PPP6R2: variants seen among roughly 807,000 people sequenced by gnomAD.
The protein encoded by PPP6R2 is serine/threonine-protein phosphatase 6 regulatory subunit 2.
In PPP6R2, 62 loss-of-function variants were observed where a neutral mutation model predicts 100.2. The observed-to-expected ratio is 0.62, with a 90% CI of 0.50 to 0.76. The LOEUF is 0.76. PPP6R2 is among the 30% of genes least tolerant of loss of function. The probability of loss-of-function intolerance (pLI) is 0.00; values close to 1 mark genes in which losing one functional copy is unlikely to be tolerated. For synonymous variants in PPP6R2, 525 were observed against 514.7 expected (o/e 1.02, Z -0.27); for missense variants, 1,142 against 1,276.3 (o/e 0.89, Z 1.60).
In PPP6R2 at chr22:50,343,399, G is replaced by T. The variant is rs1278802911; in HGVS notation, c.-299G>T. The T allele has an allele frequency of 6.6e-6, 1 of 151,088 alleles. No homozygotes were observed. The highest frequency in any genetic ancestry group is 2.4e-5 in the African/African-American group (1 of 41,254). The allele number at this position is 151,088 out of a possible 1,614,324, so 9.4% of individuals were successfully genotyped here. A position where few individuals can be genotyped will look rare whatever the true frequency, so the allele number is the denominator to read the frequency against. The stretch of plus-strand genomic sequence containing the variant: ...TCTCGAGCCGCCGGCCGGCCGTGCC[G>T]GTGTCCGTAGGCGCTGCGCCCTCGG... On this transcript the variant is annotated 5_prime_UTR_variant, in exon 1 of 24. Coordinates refer to ENST00000612753, the MANE Select transcript of PPP6R2 (RefSeq NM_001242898.2).
chr22:50,410,033 T>G (rs2059522811), intron 4 of PPP6R2, among the ~76,000 whole-genome samples: 1 of 152,200 alleles, frequency 6.6e-6, no homozygotes, highest in African/African-American at 2.4e-5. Flanking sequence ...CGGCCTATTT[T>G]GTTTTTTGTT....
rs2063347331 is a variant in PPP6R2 at position 50,432,513 on chromosome 22, C to T, written c.1400+184C>T. Reference sequence around the variant, plus strand: ...GGCCCTTCTACTGGGCGGACAGCTGCAAATGCTACTTGGGGAGGGGACACA... The same window carrying T: ...GGCCCTTCTACTGGGCGGACAGCTGTAAATGCTACTTGGGGAGGGGACACA... On this transcript the variant is annotated intron_variant, in intron 12 of 23. Coordinates refer to ENST00000612753, the MANE Select transcript of PPP6R2 (RefSeq NM_001242898.2). 2.6e-5 allele frequency among the ~76,000 whole-genome samples: 4 copies of T among 152,114 alleles called. 1 individual carries two copies. The South Asian group carries it at 8.3e-4, about 32-fold the overall frequency.
At chr22:50,352,999 A>T (rs1422609099) in intron 1 of PPP6R2, among the ~76,000 whole-genome samples, 1 of 152,160 alleles carries the variant, frequency 6.6e-6, no homozygotes, top group Non-Finnish European at 1.5e-5. Context: ...GGGACGTCAG[A>T]GCTGCAGTGA....
At chr22:50,432,199 A>T in intron 11 of PPP6R2, 66 bp from the exon 12 acceptor site, 1 of 1,411,132 alleles carries the variant, frequency 7.1e-7, no homozygotes, top group South Asian at 1.2e-5. Flanking sequence ...CAGTCCAGGG[A>T]TGGGTGGAGG....
chr22:50,419,129 G>A lies in PPP6R2; in HGVS notation c.731+150G>A. 4 of 777,732 alleles carry A rather than the reference G, an allele frequency of 5.1e-6. No homozygotes were observed. The South Asian group carries it at 6.9e-5, about 13-fold the overall frequency. The allele number at this position is 777,732 out of a possible 1,614,324, so 48.2% of individuals were successfully genotyped here. The stretch of plus-strand genomic sequence containing the variant: ...AGGTTCAGAGCCCATGTTAACTTGG[G>A]GCCTGTTTCCAGAGGGAGGGGTCTC... On this transcript the variant is annotated intron_variant, in intron 7 of 23. Coordinates refer to ENST00000612753, the MANE Select transcript of PPP6R2 (RefSeq NM_001242898.2).
At chr22:50,363,312 G>C (rs148072521) in intron 1 of PPP6R2, among the ~76,000 whole-genome samples, 398 of 152,316 alleles carry the variant, frequency 2.6e-3, no homozygotes, top group African/African-American at 9.0e-3. Flanking sequence ...GTTGCAATCT[G>C]TGCTTTAGGA....
intron 1 of PPP6R2, among the ~76,000 whole-genome samples, chr22:50,358,931 G>A (rs1226343047): frequency 2.0e-5 from 3 of 146,960 alleles, no homozygotes; most frequent in Non-Finnish European, 4.5e-5. Flanking sequence ...TTAACACCGC[G>A]ATGTCTTGAT....
intron 14 of PPP6R2, 66 bp downstream of exon 14, chr22:50,436,518 C>A: frequency 6.7e-7 from 1 of 1,495,514 alleles, no homozygotes; most frequent in Non-Finnish European, 9.1e-7. Flanking sequence ...GACGCTCCTG[C>A]CTTTGCCCTG....
intron 1 of PPP6R2, among the ~76,000 whole-genome samples, chr22:50,349,183 G>A (rs1290712952): frequency 7.4e-6 from 1 of 134,616 alleles, no homozygotes; most frequent in Non-Finnish European, 1.6e-5. Context: ...CGACAAGAGT[G>A]AGACTTCCTC....
At chr22:50,337,238 G>GGT in the PPP6R2 span, among the ~76,000 whole-genome samples, 730 of 134,290 alleles carry the variant, frequency 5.4e-3, 1 homozygote, top group Non-Finnish European at 8.4e-3. Context: ...GTGGTGTATT[G>GGT]GTGTGTGTGT....
chr22:50,405,342 T>G (rs1190252155), intron 3 of PPP6R2, among the ~76,000 whole-genome samples: 5 of 51,534 alleles, frequency 9.7e-5, no homozygotes, highest in East Asian at 2.5e-3. Context: ...GGCAGGCGAG[T>G]GTGAAGGCCT....
chr22:50,409,872 G>A (rs915905190), intron 4 of PPP6R2, among the ~76,000 whole-genome samples: 3 of 151,872 alleles, frequency 2.0e-5, no homozygotes, highest in Admixed American at 6.6e-5. Context: ...GATTACAGGC[G>A]CCTGCCACCA....
intron 22 of PPP6R2, chr22:50,443,492 C>T: frequency 4.9e-6 from 1 of 203,882 alleles, no homozygotes; most frequent in Non-Finnish European, 9.9e-6. Flanking sequence ...GCAGGGTCCT[C>T]TCTACCCTCC....
rs749400087 is a variant in PPP6R2 at position 50,406,884 on chromosome 22, C to T, written c.414+9C>T. On this transcript the variant is annotated intron_variant, in intron 4 of 23. Transcript: ENST00000612753. ...CAAGAAAAACCGAACAGGTAAATCA[C>T]GTGCAAAGCCTCCGTGACTTGGGGC... is the stretch of plus-strand genomic sequence containing the variant. 2.6e-5 allele frequency: 42 copies of T among 1,610,436 alleles called. No homozygotes were observed. The highest frequency in any genetic ancestry group is 4.0e-5 in the African/African-American group (3 of 74,850).
chr22:50,374,229 A>C (rs548230782), intron 2 of PPP6R2, among the ~76,000 whole-genome samples: 1 of 152,054 alleles, frequency 6.6e-6, no homozygotes, highest in Non-Finnish European at 1.5e-5. Context: ...AATTAAGATG[A>C]CCCAGCTGGG....
intron 1 of PPP6R2, among the ~76,000 whole-genome samples, chr22:50,353,911 GAAAATT>G (rs1355163186): frequency 4.0e-5 from 6 of 148,576 alleles, no homozygotes; most frequent in Non-Finnish European, 8.9e-5. Flanking sequence ...GAAGAACAAA[GAAAATT>G]AAAAGAATAC....
chr22:50,389,725 A>C (rs938096110), intron 2 of PPP6R2, among the ~76,000 whole-genome samples: 1 of 151,738 alleles, frequency 6.6e-6, no homozygotes, highest in Admixed American at 6.6e-5. Context: ...CAGCCTCCCG[A>C]CTAGCTGGGA....
rs750217758 is a variant in PPP6R2 at position 50,438,174 on chromosome 22, C to T, written c.1840C>T (p.Pro614Ser). Residue 614 changes from proline to serine, a missense_variant and splice_region_variant, in exon 18 of 24, where the codon CCC becomes TCC. Physicochemically the swap from Pro to Ser is moderately conservative, Grantham distance 74 (BLOSUM62 -1). This residue lies in a region of PPP6R2 where 550 missense variants were observed against 517.4 expected (regional missense o/e 1.06). Coordinates refer to ENST00000612753, the MANE Select transcript of PPP6R2 (RefSeq NM_001242898.2). ...NFNIDADEDS[P>S]SAALFEACCS... ...CTCACCTTGGCGTTTTACTCTGCAG[C>T]CCAGCGCAGCTCTGTTTGAGGCCTG... The T allele has an allele frequency of 1.2e-6, 2 of 1,611,174 alleles. No homozygotes were observed. The highest frequency in any genetic ancestry group is 4.5e-5 in the East Asian group (2 of 44,866).
chr22:50,370,717 T>C (rs1473928660), intron 1 of PPP6R2, among the ~76,000 whole-genome samples: 2 of 151,892 alleles, frequency 1.3e-5, no homozygotes, highest in Non-Finnish European at 2.9e-5. Flanking sequence ...CACTGCAACC[T>C]CTGCCTCCCG....
Sources: gnomAD v4.1 joint callset for allele counts (sites outside exome capture counted in the v4.1 genomes callset) on GRCh38, gnomAD v4.1.1 for gene constraint, gnomAD v4.1.1 regional missense constraint, MANE v1.5 for transcripts, NCBI Gene and HGNC (gene_info 2026-07-23, HGNC 2026-07-21) for gene names.